RTL4: variants seen among roughly 807,000 people sequenced by gnomAD.
RTL4 encodes the protein retrotransposon Gag like 4.
A neutral mutation model predicts 5.3 loss-of-function variants in RTL4; 4 were observed. The ratio of observed to expected loss-of-function variants is 0.75; its 90% CI spans 0.37 to 1.72. RTL4 has a LOEUF of 1.72. Among genes scored for constraint, RTL4 ranks in the 40% most tolerant of loss-of-function variants. RTL4 has a pLI of 0.04. For missense variants in RTL4, 260 were observed against 227.1 expected, an observed-to-expected ratio of 1.14 and a Z score of -0.93; for synonymous variants, 98 against 87.3, an observed-to-expected ratio of 1.12 and a Z score of -0.68.
At chrX:112,345,917 G>A in the RTL4 span, among the ~76,000 whole-genome samples, 1 of 111,524 alleles carries the variant, frequency 9.0e-6, no homozygotes, top group African/African-American at 3.3e-5. Context: ...TTGATTTAAG[G>A]AGATTTAATG....
the RTL4 span, among the ~76,000 whole-genome samples, chrX:112,436,226 CAA>C: frequency 3.3e-3 from 322 of 98,094 alleles, 2 homozygotes; most frequent in East Asian, 0.053. Context: ...CATAACAAAA[CAA>C]AAAAAAAAAA....
At chrX:112,233,587 T>G in the RTL4 span, among the ~76,000 whole-genome samples, 8 of 111,617 alleles carry the variant, frequency 7.2e-5, no homozygotes, top group Non-Finnish European at 1.5e-4. Context: ...ACTCTAAAAC[T>G]TTTATTTTAT....
chrX:112,114,618 C>T, the RTL4 span, among the ~76,000 whole-genome samples: 1 of 111,487 alleles, frequency 9.0e-6, no homozygotes, highest in Non-Finnish European at 1.9e-5. Context: ...CCTCCCCCTA[C>T]AGCTTGAAGG....
At chrX:112,168,767 C>T in the RTL4 span, among the ~76,000 whole-genome samples, 1 of 111,696 alleles carries the variant, frequency 9.0e-6, no homozygotes. Flanking sequence ...ATAATCCACC[C>T]TGTGTTTAGC....
At chrX:112,188,563 T>G in the RTL4 span, among the ~76,000 whole-genome samples, 16 of 111,827 alleles carry the variant, frequency 1.4e-4, no homozygotes, top group Non-Finnish European at 2.6e-4. Flanking sequence ...GAGGTCTTAC[T>G]TAGAATGAGT....
chrX:112,149,871 C>A, the RTL4 span, among the ~76,000 whole-genome samples: 1 of 111,296 alleles, frequency 9.0e-6, no homozygotes, highest in Non-Finnish European at 1.9e-5. Context: ...AAAGGGAAAT[C>A]TGGGGTGAGG....
At chrX:112,200,637 C>T in the RTL4 span, among the ~76,000 whole-genome samples, 1 of 111,898 alleles carries the variant, frequency 8.9e-6, no homozygotes, top group Non-Finnish European at 1.9e-5. Flanking sequence ...GGGTGAATTA[C>T]CCAGGGCATC....
the RTL4 span, among the ~76,000 whole-genome samples, chrX:112,248,466 C>T: frequency 3.6e-5 from 4 of 112,123 alleles, no homozygotes; most frequent in Non-Finnish European, 7.5e-5. Flanking sequence ...GCCCCTACAA[C>T]TTATTTTTGT....
the RTL4 span, among the ~76,000 whole-genome samples, chrX:112,358,719 C>G: frequency 9.0e-6 from 1 of 111,457 alleles, no homozygotes; most frequent in Non-Finnish European, 1.9e-5. Context: ...GCTGCCATTC[C>G]AGATCTCTCA....
the RTL4 span, among the ~76,000 whole-genome samples, chrX:112,196,353 G>A: frequency 1.8e-5 from 2 of 111,306 alleles, no homozygotes; most frequent in African/African-American, 6.5e-5. Context: ...TCCGTGGTAT[G>A]AATGTTACAT....
chrX:112,229,848 T>C, the RTL4 span, among the ~76,000 whole-genome samples: 3 of 111,831 alleles, frequency 2.7e-5, no homozygotes, highest in South Asian at 1.1e-3. Flanking sequence ...ACAGTGGATA[T>C]TGGTGAACCG....
the RTL4 span, among the ~76,000 whole-genome samples, chrX:112,149,277 A>C: frequency 1.8e-5 from 2 of 111,596 alleles, no homozygotes; most frequent in Non-Finnish European, 3.8e-5. Flanking sequence ...TTTTGAGGGA[A>C]ATAGACAATA....
the RTL4 span, among the ~76,000 whole-genome samples, chrX:112,174,232 TC>T: frequency 2.3e-5 from 1 of 43,770 alleles, no homozygotes; most frequent in African/African-American, 9.6e-5. Flanking sequence ...CCCTCCCCCC[TC>T]CCCCCACCCC....
At chrX:112,361,294 A>G in the RTL4 span, among the ~76,000 whole-genome samples, 1 of 111,399 alleles carries the variant, frequency 9.0e-6, no homozygotes, top group Admixed American at 9.6e-5. Flanking sequence ...GTTTTAGTTG[A>G]TAGCTTTAGA....
At chrX:112,435,267 T>C in the RTL4 span, among the ~76,000 whole-genome samples, 1 of 111,709 alleles carries the variant, frequency 9.0e-6, no homozygotes, top group East Asian at 2.8e-4. Flanking sequence ...CAAGCATCCT[T>C]GTATACTGAC....
chrX:112,415,284 T>C, the RTL4 span, among the ~76,000 whole-genome samples: 1 of 111,380 alleles, frequency 9.0e-6, no homozygotes, highest in Non-Finnish European at 1.9e-5. Context: ...TTGAATTTTA[T>C]ATATGTTTTG....
At chrX:112,373,685 A>AATATATATAT in the RTL4 span, among the ~76,000 whole-genome samples, 14 of 104,654 alleles carry the variant, frequency 1.3e-4, no homozygotes, top group African/African-American at 4.2e-4. Flanking sequence ...TGAATTTTGA[A>AATATATATAT]ATATATATAT....
At chrX:112,296,896 C>T in the RTL4 span, among the ~76,000 whole-genome samples, 2 of 110,047 alleles carry the variant, frequency 1.8e-5, no homozygotes, top group Admixed American at 9.8e-5. Flanking sequence ...GGATTACAGG[C>T]ATGAGCCACC....
At chrX:112,248,576 C>T in the RTL4 span, among the ~76,000 whole-genome samples, 3 of 112,214 alleles carry the variant, frequency 2.7e-5, no homozygotes, top group Non-Finnish European at 3.8e-5. Flanking sequence ...TTCATATACC[C>T]TATCATTCTT....
Sources: allele counts gnomAD v4.1 joint callset (sites outside exome capture counted in the v4.1 genomes callset), GRCh38; gene constraint gnomAD v4.1.1; transcripts MANE v1.5; gene names NCBI Gene and HGNC (gene_info 2026-07-23, HGNC 2026-07-21).